The following LRRC4C variants were observed in gnomAD, a reference collection of about 807,000 sequenced individuals.
LRRC4C encodes the protein leucine-rich repeat-containing protein 4C.
LRRC4C carries 5 observed loss-of-function variants against 33.6 expected under a neutral mutation model. The observed-to-expected ratio is 0.15, with a 90% confidence interval of 0.08 to 0.31. The LOEUF (loss-of-function observed/expected upper bound fraction) is 0.31. LRRC4C is among the 10% of genes least tolerant of loss of function. The probability of loss-of-function intolerance (pLI) is 1.00; values close to 1 mark genes in which losing one functional copy is unlikely to be tolerated. For synonymous variants in LRRC4C, 329 were observed against 302.0 expected (o/e 1.09, Z -0.93); for missense variants, 560 against 796.7 (o/e 0.70, Z 3.58).
At chr11:41,159,160 T>C (rs1431167159) in intron 1 of LRRC4C, among the ~76,000 whole-genome samples, 1 of 152,060 alleles carries the variant, frequency 6.6e-6, no homozygotes. Flanking sequence ...CATGGTAGCA[T>C]GCACTTTTAG....
At chr11:40,606,015 G>T (rs1452551047) in intron 3 of LRRC4C, among the ~76,000 whole-genome samples, 4 of 152,174 alleles carry the variant, frequency 2.6e-5, no homozygotes, top group Admixed American at 1.3e-4. Flanking sequence ...GTGGCTCGTG[G>T]CTGCTGCAGA....
intron 3 of LRRC4C, chr11:40,445,511 G>C (rs1951591612): frequency 6.4e-6 from 1 of 155,602 alleles, no homozygotes; most frequent in South Asian, 2.1e-4. Context: ...ACATTCATAG[G>C]TTTTTTCCAA....
rs77866166 is a variant in LRRC4C, at chr11:41,459,497, C to T, written c.-562G>A. 43 of 152,042 alleles carry T rather than the reference C, an allele frequency of 2.8e-4. No homozygotes were observed. Among genetic ancestry groups the T allele is most frequent in the African/African-American group, 9.9e-4 (41 of 41,376 alleles). The allele number at this position is 152,042 out of a possible 1,614,324, so 9.4% of individuals were successfully genotyped here. A position where few individuals can be genotyped will look rare whatever the true frequency, so the allele number is the denominator to read the frequency against. On this transcript the variant is annotated 5_prime_UTR_variant, in exon 1 of 7. Transcript: ENST00000528697. Reference sequence around the variant, plus strand: ...ATCCTCTAGCTTGCCGTGCACTACTCTATTTTCTTTTCTTCTTTTTATTTT... The same window carrying T: ...ATCCTCTAGCTTGCCGTGCACTACTTTATTTTCTTTTCTTCTTTTTATTTT...
At chr11:40,312,522 A>T (rs1210115068) in intron 4 of LRRC4C, among the ~76,000 whole-genome samples, 1 of 152,168 alleles carries the variant, frequency 6.6e-6, no homozygotes, top group African/African-American at 2.4e-5. Flanking sequence ...ATTGATAAGT[A>T]GACTGGGTTA....
intron 3 of LRRC4C, among the ~76,000 whole-genome samples, chr11:40,345,572 G>A (rs34268515): frequency 0.29 from 44,489 of 151,918 alleles, 6,918 homozygotes; most frequent in East Asian, 0.5. Context: ...ATACTTAAAT[G>A]TAATACCTAC....
At chr11:41,180,094 T>C (rs1945381499) in intron 1 of LRRC4C, among the ~76,000 whole-genome samples, 1 of 152,064 alleles carries the variant, frequency 6.6e-6, no homozygotes, top group Admixed American at 6.6e-5. Flanking sequence ...TGAGTAGGAA[T>C]TAGGCAAAGG....
Position 40,473,733 on chromosome 11 carries a change from C to T in LRRC4C, c.-269-154012G>A, listed in dbSNP as rs150476148. Among the ~76,000 whole-genome samples, 783 of 152,300 alleles carry T rather than the reference C, an allele frequency of 5.1e-3. 11 individuals carry two copies. The highest frequency in any genetic ancestry group is 0.018 in the African/African-American group (754 of 41,564). ...CGTCTCAGCCCAAAATCTCCTTAAG[C>T]TGCCAAGCAACTTCAGCAAAGTCTC... On this transcript the variant is annotated intron_variant, in intron 3 of 6. Coordinates refer to ENST00000528697, the MANE Select transcript of LRRC4C (RefSeq NM_001258419.2).
intron 2 of LRRC4C, among the ~76,000 whole-genome samples, chr11:40,904,996 G>C (rs567866958): frequency 6.6e-6 from 1 of 152,030 alleles, no homozygotes; most frequent in Non-Finnish European, 1.5e-5. Context: ...ACATTTGTGC[G>C]CACGTGCACA....
intron 5 of LRRC4C, among the ~76,000 whole-genome samples, chr11:40,238,457 G>A (rs138999405): frequency 0.011 from 1,662 of 152,186 alleles, 17 homozygotes; most frequent in Non-Finnish European, 0.018. Flanking sequence ...CCACAGCCCC[G>A]TTCTGTTTAG....
At chr11:40,477,169 G>A (rs1953279535) in intron 3 of LRRC4C, among the ~76,000 whole-genome samples, 2 of 152,136 alleles carry the variant, frequency 1.3e-5, no homozygotes, top group African/African-American at 4.8e-5. Flanking sequence ...CATTTGAGCT[G>A]GGTGCCATTG....
intron 2 of LRRC4C, among the ~76,000 whole-genome samples, chr11:40,676,284 T>C (rs915538430): frequency 6.6e-6 from 1 of 152,204 alleles, no homozygotes; most frequent in Non-Finnish European, 1.5e-5. Flanking sequence ...CATGCCTTTC[T>C]GGGTTCTTCT....
chr11:40,952,875 C>G, intron 1 of LRRC4C, among the ~76,000 whole-genome samples: 1 of 108,586 alleles, frequency 9.2e-6, no homozygotes, highest in Non-Finnish European at 2.1e-5. Context: ...CACACACACA[C>G]ACACACACAC....
At chr11:41,237,395 A>ACCCT (rs1445416719) in intron 1 of LRRC4C, among the ~76,000 whole-genome samples, 1 of 152,134 alleles carries the variant, frequency 6.6e-6, no homozygotes, top group African/African-American at 2.4e-5. Context: ...GCCAAATGAT[A>ACCCT]CCCTGCTAGT....
At chr11:40,357,322 C>A (rs571047942) in intron 3 of LRRC4C, among the ~76,000 whole-genome samples, 15 of 152,204 alleles carry the variant, frequency 9.9e-5, no homozygotes, top group East Asian at 7.7e-4. Context: ...AGAACAGGGG[C>A]GTGCTTTCTG....
chr11:40,539,039 C>A (rs920972547), intron 3 of LRRC4C, among the ~76,000 whole-genome samples: 1 of 152,032 alleles, frequency 6.6e-6, no homozygotes, highest in Non-Finnish European at 1.5e-5. Flanking sequence ...TGGATATTAG[C>A]CCACTCTTTA....
At chr11:40,553,943 A>C (rs189280927) in intron 3 of LRRC4C, among the ~76,000 whole-genome samples, 2 of 152,154 alleles carry the variant, frequency 1.3e-5, no homozygotes, top group Admixed American at 6.5e-5. Flanking sequence ...GAAGCTCTTT[A>C]GTTTAATTAG....
intron 1 of LRRC4C, among the ~76,000 whole-genome samples, chr11:41,367,222 T>C (rs1212128845): frequency 6.6e-6 from 1 of 152,220 alleles, no homozygotes; most frequent in Non-Finnish European, 1.5e-5. Context: ...AAATGAATCA[T>C]GACTTTACAT....
intron 3 of LRRC4C, among the ~76,000 whole-genome samples, chr11:40,618,151 A>G (rs906854195): frequency 2.0e-5 from 3 of 151,666 alleles, no homozygotes; most frequent in Non-Finnish European, 3.0e-5. Context: ...GGAAATAGGG[A>G]CTTTGAAGAT....
At chr11:40,763,922 A>G (rs1336075829) in intron 2 of LRRC4C, among the ~76,000 whole-genome samples, 1 of 152,170 alleles carries the variant, frequency 6.6e-6, no homozygotes, top group Non-Finnish European at 1.5e-5. Context: ...TTGGCTCTGT[A>G]CTGGGCTCAG....
Sources: allele counts gnomAD v4.1 joint callset (sites outside exome capture counted in the v4.1 genomes callset), GRCh38; gene constraint gnomAD v4.1.1; transcripts MANE v1.5; gene names NCBI Gene and HGNC (gene_info 2026-07-23, HGNC 2026-07-21).